Variants in GPR158 observed in about 807,000 individuals in gnomAD.
The protein encoded by GPR158 is metabotropic glycine receptor.
Under a neutral mutation model 78.2 loss-of-function variants are expected in GPR158, and 30 were observed. That is an observed-to-expected ratio of 0.38 (90% CI 0.29 to 0.52). The LOEUF (loss-of-function observed/expected upper bound fraction) is 0.52. GPR158 is among the 20% of genes least tolerant of loss of function. The pLI is 0.83. For missense variants in GPR158, 1,463 were observed against 1,523.5 expected (o/e 0.96, Z 0.66); for synonymous variants, 581 against 591.1 (o/e 0.98, Z 0.25).
At chr10:25,429,096 C>G (rs1834860842) in intron 4 of GPR158, among the ~76,000 whole-genome samples, 1 of 151,966 alleles carries the variant, frequency 6.6e-6, no homozygotes, top group Admixed American at 6.6e-5. Flanking sequence ...GGATGAAATA[C>G]TATATCTGTC....
chr10:25,457,140 C>CTTTTTT (rs11384299), intron 4 of GPR158, among the ~76,000 whole-genome samples: 177 of 59,404 alleles, frequency 3.0e-3, no homozygotes, highest in Middle Eastern at 0.016. Context: ...CCATGCCCAC[C>CTTTTTT]TTTTTTTTTT....
intron 2 of GPR158, among the ~76,000 whole-genome samples, chr10:25,251,936 C>G (rs1588759082): frequency 1.3e-5 from 2 of 152,286 alleles, no homozygotes; most frequent in South Asian, 4.1e-4. Context: ...TTCTCCCTGT[C>G]ACTTTCAGAT....
intron 5 of GPR158, among the ~76,000 whole-genome samples, chr10:25,520,643 TC>T (rs1158657721): frequency 6.6e-6 from 1 of 151,336 alleles, no homozygotes; most frequent in Non-Finnish European, 1.5e-5. Context: ...GTGTGAGGTG[TC>T]AGTGTGCCCC....
intron 7 of GPR158, among the ~76,000 whole-genome samples, chr10:25,586,390 AATTTTTTTTTTTTT>A (rs1418853652): frequency 7.6e-6 from 1 of 130,942 alleles, no homozygotes; most frequent in African/African-American, 2.9e-5. Context: ...GGTATGTGTG[AATTTTTTTTTTTTT>A]TTTTTTTTTT....
chr10:25,200,300 A>C (rs1408421873), intron 1 of GPR158, among the ~76,000 whole-genome samples: 1 of 151,704 alleles, frequency 6.6e-6, no homozygotes, highest in Admixed American at 6.6e-5. Context: ...CTCATTAGCC[A>C]TGTATTTATC....
At chr10:25,302,157 C>T (rs1234283186) in intron 2 of GPR158, among the ~76,000 whole-genome samples, 4 of 99,898 alleles carry the variant, frequency 4.0e-5, no homozygotes, top group African/African-American at 1.7e-4. Flanking sequence ...CTGCAAGCTC[C>T]GCCTCCCAGG....
chr10:25,494,267 AG>A (rs1474951014), intron 5 of GPR158, among the ~76,000 whole-genome samples: 5 of 152,208 alleles, frequency 3.3e-5, no homozygotes, highest in African/African-American at 1.2e-4. Context: ...CAATATGCAA[AG>A]AGAATTTACC....
chr10:25,389,236 G>A (rs1834261213), intron 2 of GPR158, among the ~76,000 whole-genome samples: 1 of 152,150 alleles, frequency 6.6e-6, no homozygotes, highest in African/African-American at 2.4e-5. Context: ...CTTCCTCCCT[G>A]CTGAGGCCCA....
At chr10:25,354,327 C>T (rs1382999857) in intron 2 of GPR158, among the ~76,000 whole-genome samples, 3 of 150,540 alleles carry the variant, frequency 2.0e-5, no homozygotes, top group Admixed American at 6.6e-5. Flanking sequence ...TGTACTCCAG[C>T]CTGGTCAACA....
At chr10:25,255,737 C>A (rs973419259) in intron 2 of GPR158, among the ~76,000 whole-genome samples, 2 of 152,174 alleles carry the variant, frequency 1.3e-5, no homozygotes, top group African/African-American at 4.8e-5. Flanking sequence ...TTTCAAATAT[C>A]TTTCTCTTTT....
At chr10:25,367,464 G>A (rs1855740457) in intron 2 of GPR158, among the ~76,000 whole-genome samples, 1 of 151,588 alleles carries the variant, frequency 6.6e-6, no homozygotes, top group Admixed American at 6.6e-5. Flanking sequence ...TTTCGTTTTG[G>A]CTCTTCTTGG....
At chr10:25,546,379 C>T (rs1836662209) in intron 5 of GPR158, among the ~76,000 whole-genome samples, 1 of 152,124 alleles carries the variant, frequency 6.6e-6, no homozygotes, top group African/African-American at 2.4e-5. Context: ...CTTCTGCAGA[C>T]TTATGCATCC....
At chr10:25,410,301 C>T (rs2130546605) in intron 3 of GPR158, among the ~76,000 whole-genome samples, 1 of 152,246 alleles carries the variant, frequency 6.6e-6, no homozygotes, top group Non-Finnish European at 1.5e-5. Context: ...GAGAAAGAGC[C>T]AGTCACTATG....
Position 25,528,265 on chromosome 10 carries a change from T to C in GPR158, c.1405-22711T>C, listed in dbSNP as rs568755590. The stretch of plus-strand genomic sequence containing the variant: ...AAAAGAACATGACAAACAATACCCC[T>C]TATGAACATAGAATTAAAATTATCA... On this transcript the variant is annotated intron_variant, in intron 5 of 10. Coordinates refer to ENST00000376351, the MANE Select transcript of GPR158 (RefSeq NM_020752.3). Among the ~76,000 whole-genome samples the C allele has an allele frequency of 2.6e-5, 4 of 152,054 alleles. 1 individual carries two copies. The highest frequency in any genetic ancestry group is 9.6e-5 in the African/African-American group (4 of 41,520).
At position 25,596,715 on chromosome 10, in the gene GPR158, C is replaced by T. The variant is rs1395856560; in HGVS notation, c.2071C>T (p.Arg691Ter). The T allele has an allele frequency of 6.2e-7, 1 of 1,613,094 alleles. No individual in the cohort carries two copies. The highest frequency in any genetic ancestry group is 1.3e-5 in the African/African-American group (1 of 74,840). The change falls in exon 10 of 11, where the codon CGA (arginine) becomes TGA (stop). Residue 691 changes from arginine (R) to a stop codon, truncating the protein, a stop_gained. Coordinates refer to ENST00000376351, the MANE Select transcript of GPR158 (RefSeq NM_020752.3). LOFTEE classifies it high-confidence loss of function. Reference protein sequence around the residue: ...EAYEDELDMGRSGSYLNSSIN... With the variant: ...EAYEDELDMG The stretch of plus-strand genomic sequence containing the variant: ...ATATGAGGATGAGCTAGACATGGGC[C>T]GATCTGGATCCTACCTGAACAGCAG...
At chr10:25,415,902 A>C (rs1481034636) in intron 4 of GPR158, among the ~76,000 whole-genome samples, 1 of 152,094 alleles carries the variant, frequency 6.6e-6, no homozygotes, top group Non-Finnish European at 1.5e-5. Context: ...GGAAAGACAA[A>C]AATGTTACAA....
intron 5 of GPR158, among the ~76,000 whole-genome samples, chr10:25,520,394 C>T (rs1240359982): frequency 6.7e-6 from 1 of 149,040 alleles, no homozygotes; most frequent in Non-Finnish European, 1.5e-5. Context: ...ATTCTCCATC[C>T]AGCTTTGTTC....
At chr10:25,444,186 T>G (rs1258374274) in intron 4 of GPR158, among the ~76,000 whole-genome samples, 1 of 151,852 alleles carries the variant, frequency 6.6e-6, no homozygotes, top group Non-Finnish European at 1.5e-5. Flanking sequence ...GTCTGTGACG[T>G]GTGTTTTTCT....
intron 7 of GPR158, among the ~76,000 whole-genome samples, chr10:25,579,635 C>CA (rs1187549756): frequency 2.6e-5 from 4 of 152,076 alleles, no homozygotes; most frequent in East Asian, 1.9e-4. Context: ...AACAAGACCG[C>CA]AAAAAAGTAG....
Sources: allele counts gnomAD v4.1 joint callset (sites outside exome capture counted in the v4.1 genomes callset), GRCh38; gene constraint gnomAD v4.1.1; transcripts MANE v1.5; gene names NCBI Gene and HGNC (gene_info 2026-07-23, HGNC 2026-07-21).